PSMC6: variants seen among roughly 807,000 people sequenced by gnomAD.
PSMC6 encodes proteasome 26S subunit, ATPase 6, also known as 26S proteasome regulatory subunit 10B.
In PSMC6, 3 loss-of-function variants were observed where a neutral mutation model predicts 55.9. The ratio of observed to expected loss-of-function variants is 0.05; its 90% CI spans 0.02 to 0.14. PSMC6 has a LOEUF of 0.14. Among genes scored for constraint, PSMC6 ranks in the 10% least tolerant of loss-of-function variants. The pLI is 1.00. For missense variants in PSMC6, 210 were observed against 478.7 expected, an observed-to-expected ratio of 0.44 and a Z score of 5.24; for synonymous variants, 137 against 155.9, an observed-to-expected ratio of 0.88 and a Z score of 0.90.
At chr14:52,710,896 A>AG (rs2041764774) in intron 4 of PSMC6, 1 of 576,164 alleles carries the variant, frequency 1.7e-6, no homozygotes, top group Admixed American at 3.1e-5. Context: ...GATTACACAA[A>AG]GGGGCATGCT....
At chr14:52,722,192 T>C (rs1039904191) in intron 12 of PSMC6, 6 of 152,346 alleles carry the variant, frequency 3.9e-5, no homozygotes, top group Non-Finnish European at 8.8e-5. Context: ...AAGTAGCTTC[T>C]TGGGAGTGGT....
intron 7 of PSMC6, among the ~76,000 whole-genome samples, chr14:52,715,292 T>G (rs764005272): frequency 6.6e-6 from 1 of 152,254 alleles, no homozygotes; most frequent in Non-Finnish European, 1.5e-5. Flanking sequence ...TAGTTGTCTT[T>G]AGGAAAAGCA....
At chr14:52,719,870 CTTTAGAAATTGAGGACAATATTT>C (rs1163387878) in intron 10 of PSMC6, among the ~76,000 whole-genome samples, 7 of 152,000 alleles carry the variant, frequency 4.6e-5, no homozygotes, top group African/African-American at 1.7e-4. Context: ...TTCAAGAAAA[CTTTAGAAATTGAGGACAATATTT>C]TTTATGTCTT....
chr14:52,710,277 A>G (rs912862282), intron 4 of PSMC6: 7 of 152,252 alleles, frequency 4.6e-5, no homozygotes, highest in Non-Finnish European at 8.8e-5. Context: ...AAATACAAAA[A>G]AAAATTAGCC....
chr14:52,718,377 GT>G (rs1241070362), intron 9 of PSMC6, 25 bp downstream of exon 9: 2 of 1,589,960 alleles, frequency 1.3e-6, no homozygotes, highest in Non-Finnish European at 1.7e-6. Flanking sequence ...CTTGTTGAAA[GT>G]TTTAGGACTT....
rs764336886 is a variant in PSMC6, at chr14:52,727,495, A to G, written c.1052-4A>G. ...TAGCAGTCATGTTGTTTTATTCTCT[A>G]CAGGTATGTTCGCAATTCGTGCTGA... On this transcript the variant is annotated splice_region_variant and splice_polypyrimidine_tract_variant and intron_variant, in intron 13 of 13. Transcript: ENST00000445930. The G allele has an allele frequency of 1.3e-6, 2 of 1,599,842 alleles. No individual in the cohort carries two copies. Among genetic ancestry groups the G allele is most frequent in the African/African-American group, 1.3e-5 (1 of 74,712 alleles).
At chr14:52,707,348 C>T in intron 1 of PSMC6, 44 bp downstream of exon 1, 1 of 1,609,652 alleles carries the variant, frequency 6.2e-7, no homozygotes, top group Non-Finnish European at 8.5e-7. Flanking sequence ...CCTCGACTCG[C>T]TTCTGCCTCT....
chr14:52,711,009 AATGAGTGTTTGG>A, intron 4 of PSMC6, 80 bp from the exon 5 acceptor site: 1 of 666,288 alleles, frequency 1.5e-6, no homozygotes, highest in Non-Finnish European at 2.6e-6. Flanking sequence ...GGAGGGTAAA[AATGAGTGTTTGG>A]CTTCTAAATA....
chr14:52,717,868 A>G (rs2041846809), intron 7 of PSMC6, among the ~76,000 whole-genome samples: 1 of 151,926 alleles, frequency 6.6e-6, no homozygotes, highest in Admixed American at 6.6e-5. Flanking sequence ...ACAAACAGAC[A>G]AACAAAAAAC....
At position 52,723,775 on chromosome 14, in the gene PSMC6, A is replaced by G. The variant is rs1490478600; in HGVS notation, c.980-190A>G. The G allele has an allele frequency of 9.1e-6, 12 of 1,325,256 alleles. No homozygotes were observed. In the Admixed American group the frequency reaches 1.3e-4, roughly 15 times the overall value. The allele number at this position is 1,325,256 out of a possible 1,614,324, so 82.1% of individuals were successfully genotyped here. ...TTTTTAAAGTTTCAGGGGTGTGTCT[A>G]ATTCTTCTTGGTGCTGGTTTATTTA... is the stretch of plus-strand genomic sequence containing the variant. On this transcript the variant is annotated intron_variant, in intron 12 of 13. Coordinates refer to ENST00000445930, the MANE Select transcript of PSMC6 (RefSeq NM_002806.5).
In PSMC6 at chr14:52,714,412, T is replaced by C. The variant is rs568764768; in HGVS notation, c.529+444T>C. On this transcript the variant is annotated intron_variant, in intron 7 of 13. Coordinates refer to ENST00000445930, the MANE Select transcript of PSMC6 (RefSeq NM_002806.5). ...GAGTGAGAATGAGATAGGATATTTA[T>C]GTCTACTGTTCTTTGAGGCATGCTT... 9.2e-5 allele frequency among the ~76,000 whole-genome samples: 14 copies of C among 152,360 alleles called. No individual in the cohort carries two copies. In the East Asian group the frequency reaches 2.7e-3, roughly 29 times the overall value.
chr14:52,722,341 C>G (rs1347220848), intron 12 of PSMC6: 1 of 147,410 alleles, frequency 6.8e-6, no homozygotes, highest in Non-Finnish European at 1.5e-5. Flanking sequence ...GCAGAGTTTT[C>G]TATAAGATGG....
chr14:52,723,908 A>C (rs1411045608), intron 12 of PSMC6, 57 bp from the exon 13 acceptor site: 3 of 1,598,716 alleles, frequency 1.9e-6, no homozygotes, highest in African/African-American at 2.7e-5. Context: ...CGATGTGGGC[A>C]TAAATCAAGT....
At chr14:52,721,600 A>C (rs2041891613) in intron 12 of PSMC6, 1 of 155,364 alleles carries the variant, frequency 6.4e-6, no homozygotes, top group Middle Eastern at 3.3e-3. Flanking sequence ...CAGGAGTTTG[A>C]GGTTGCAGGG....
At chr14:52,712,180 T>A (rs2139839601) in intron 6 of PSMC6, among the ~76,000 whole-genome samples, 1 of 152,332 alleles carries the variant, frequency 6.6e-6, no homozygotes, top group East Asian at 1.9e-4. Context: ...ACAATCTGAT[T>A]TAAGCTTTAA....
intron 13 of PSMC6, among the ~76,000 whole-genome samples, chr14:52,725,146 T>C (rs1057224034): frequency 1.2e-4 from 18 of 152,214 alleles, no homozygotes; most frequent in Non-Finnish European, 2.5e-4. Context: ...TTAGAGTAAT[T>C]TATGACATTC....
chr14:52,708,273 T>G (rs774288689), intron 1 of PSMC6, 36 bp from the exon 2 acceptor site: 5 of 1,540,244 alleles, frequency 3.2e-6, no homozygotes, highest in Non-Finnish European at 3.6e-6. Flanking sequence ...CTAAGATTAC[T>G]GTTCAATTAA....
intron 10 of PSMC6, among the ~76,000 whole-genome samples, chr14:52,720,340 C>CCTGGGTGA (rs2041876583): frequency 8.7e-6 from 1 of 114,992 alleles, no homozygotes; most frequent in Non-Finnish European, 1.6e-5. Context: ...AGTACTCCAG[C>CCTGGGTGA]CTGGGTGACA....
intron 3 of PSMC6, 26 bp downstream of exon 3, chr14:52,708,548 T>G: frequency 6.3e-7 from 1 of 1,599,152 alleles, no homozygotes; most frequent in Non-Finnish European, 8.6e-7. Context: ...GCTTATTAAT[T>G]AGTAAAGAAA....
Sources: allele counts gnomAD v4.1 joint callset (sites outside exome capture counted in the v4.1 genomes callset), GRCh38; gene constraint gnomAD v4.1.1; transcripts MANE v1.5; gene names NCBI Gene and HGNC (gene_info 2026-07-23, HGNC 2026-07-21).